RUSF1: variants seen among roughly 807,000 people sequenced by gnomAD.
RUSF1 encodes the protein RUS1 family protein C16orf58.
RUSF1 carries 58 observed loss-of-function variants against 63.0 expected under a neutral mutation model. That is an observed-to-expected ratio of 0.92 (90% CI 0.75 to 1.15). The LOEUF (loss-of-function observed/expected upper bound fraction) is 1.15, where lower values mean the gene tolerates loss of function less well. Among genes scored for constraint, RUSF1 ranks in the 50% most tolerant of loss-of-function variants. The pLI is 0.00. For missense variants in RUSF1, 652 were observed against 611.0 expected (o/e 1.07, Z -0.71); for synonymous variants, 274 against 255.8 (o/e 1.07, Z -0.68).
At position 31,490,675 on chromosome 16, in the gene RUSF1, G is replaced by A. The variant is rs532877244; in HGVS notation, c.*160C>T. On this transcript the variant is annotated 3_prime_UTR_variant, in exon 13 of 13. Transcript: ENST00000327237. Reference sequence around the variant, plus strand: ...CTTCTCCCGGCCTTCCTCTGCCTGGGGCCCACTGCATCTGATTGGCAGTCA... The same window carrying A: ...CTTCTCCCGGCCTTCCTCTGCCTGGAGCCCACTGCATCTGATTGGCAGTCA... The A allele has an allele frequency of 1.2e-5, 13 of 1,078,296 alleles. No individual in the cohort carries two copies. In the South Asian group the frequency reaches 1.5e-4, roughly 12 times the overall value. The allele number at this position is 1,078,296 out of a possible 1,614,324, so 66.8% of individuals were successfully genotyped here.
intron 6 of RUSF1, among the ~76,000 whole-genome samples, 178 bp downstream of exon 6, chr16:31,496,671 G>A (rs561473756): frequency 6.6e-6 from 1 of 152,336 alleles, no homozygotes; most frequent in East Asian, 1.9e-4. Flanking sequence ...CAGGGCCTGA[G>A]ATCAGCTCGG....
chr16:31,492,390 A>C, intron 10 of RUSF1, 50 bp from the exon 11 acceptor site: 2 of 1,497,474 alleles, frequency 1.3e-6, no homozygotes, highest in East Asian at 2.3e-5. Flanking sequence ...CACCTCCCAA[A>C]CCCCTTCTAT....
Position 31,490,361 on chromosome 16 carries a change from T to C in RUSF1, c.*474A>G, listed in dbSNP as rs755803144. The C allele has an allele frequency of 1.2e-5, 20 of 1,613,082 alleles. No individual in the cohort carries two copies. The East Asian group carries it at 1.8e-4, about 14-fold the overall frequency. On this transcript the variant is annotated 3_prime_UTR_variant, in exon 13 of 13. Transcript: ENST00000327237. ...TCCGCCAGTGCCTGCTCTGGTTTTG[T>C]GGAATGAGCAGAGGTGGGGTGGGCA...
At chr16:31,506,001 A>G (rs2082657021) in intron 2 of RUSF1, among the ~76,000 whole-genome samples, 2 of 152,208 alleles carry the variant, frequency 1.3e-5, no homozygotes, top group South Asian at 4.1e-4. Context: ...CCCTGAACAC[A>G]CAATTTCTCA....
At chr16:31,503,684 G>GAC (rs1384598188) in intron 2 of RUSF1, among the ~76,000 whole-genome samples, 1 of 152,066 alleles carries the variant, frequency 6.6e-6, no homozygotes, top group East Asian at 1.9e-4. Context: ...TATTTTTTTA[G>GAC]ATGGAGTTTC....
At chr16:31,507,971 G>A in intron 1 of RUSF1, 93 bp from the exon 2 acceptor site, 4 of 1,534,714 alleles carry the variant, frequency 2.6e-6, no homozygotes, top group Non-Finnish European at 2.6e-6. Context: ...TATGAGGCAT[G>A]TCAGACCCCC....
At chr16:31,495,371 G>C (rs535754366) in intron 6 of RUSF1, among the ~76,000 whole-genome samples, 1 of 152,340 alleles carries the variant, frequency 6.6e-6, no homozygotes, top group East Asian at 1.9e-4. Context: ...AGGGACCTGG[G>C]GAGTTCAGGA....
chr16:31,508,031 G>C, intron 1 of RUSF1, 43 bp downstream of exon 1: 1 of 1,565,096 alleles, frequency 6.4e-7, no homozygotes, highest in Non-Finnish European at 8.6e-7. Flanking sequence ...TGGGGAGGGA[G>C]GAGTGGCCTG....
At chr16:31,507,313 A>C (rs2082664763) in intron 2 of RUSF1, among the ~76,000 whole-genome samples, 1 of 152,224 alleles carries the variant, frequency 6.6e-6, no homozygotes, top group South Asian at 2.1e-4. Context: ...TATTTACAGC[A>C]TCATCTGGTA....
In RUSF1 at chr16:31,489,817, C is replaced by T; in HGVS notation, c.*1018G>A. ...CACAGAACACTGTGAGCAGGACTGC[C>T]AGGCCAGTGTCACAAGCGCTACCAT... On this transcript the variant is annotated 3_prime_UTR_variant, in exon 13 of 13. Transcript: ENST00000327237. The T allele has an allele frequency of 2.1e-6, 1 of 473,994 alleles. No homozygotes were observed. Among genetic ancestry groups the T allele is most frequent in the Non-Finnish European group, 3.9e-6 (1 of 256,850 alleles). 29.4% of individuals were successfully genotyped at this position (473,994 alleles called of 1,614,324 possible). A position where few individuals can be genotyped will look rare whatever the true frequency, so the allele number is the denominator to read the frequency against.
chr16:31,496,705 C>A, intron 6 of RUSF1, 144 bp downstream of exon 6: 5 of 720,240 alleles, frequency 6.9e-6, no homozygotes, highest in Non-Finnish European at 8.8e-6. Context: ...AGAGCCCAAA[C>A]CCCTACTCCT....
chr16:31,498,686 C>T (rs1393289103), intron 5 of RUSF1, among the ~76,000 whole-genome samples: 3 of 152,146 alleles, frequency 2.0e-5, no homozygotes, highest in Admixed American at 6.5e-5. Flanking sequence ...GCGTGTCCCC[C>T]AGCTCACTGT....
At chr16:31,494,307 G>A (rs967524103) in intron 6 of RUSF1, among the ~76,000 whole-genome samples, 2 of 152,070 alleles carry the variant, frequency 1.3e-5, no homozygotes, top group African/African-American at 4.8e-5. Context: ...GATTCCCTGA[G>A]CTCAGGAGTT....
rs183528751 is a variant in RUSF1, at chr16:31,498,446, C to A, written c.600+856G>T. The stretch of plus-strand genomic sequence containing the variant: ...ACAAGGAACCGTTGCACCCCAAATG[C>A]TAGTACTTATGGAGAAACACGGCCC... On this transcript the variant is annotated intron_variant, in intron 5 of 12. Transcript: ENST00000327237. 4.7e-3 allele frequency among the ~76,000 whole-genome samples: 717 copies of A among 152,310 alleles called. 6 individuals are homozygous for A. Among genetic ancestry groups the A allele is most frequent in the Non-Finnish European group, 6.4e-3 (433 of 68,006 alleles).
chr16:31,499,258 A>C, intron 5 of RUSF1, 44 bp downstream of exon 5: 1 of 1,523,164 alleles, frequency 6.6e-7, no homozygotes, highest in Non-Finnish European at 9.1e-7. Flanking sequence ...ACACACTACC[A>C]AGGCAGGTGT....
chr16:31,493,464 C>T lies in RUSF1; in HGVS notation c.1016+3G>A, dbSNP rs1291003526. On this transcript the variant is annotated splice_donor_region_variant and intron_variant, in intron 9 of 12. Transcript: ENST00000327237. ...GACGAGCGGGAGACGCTAGGCCACT[C>T]ACCTGGAGACCAAGCGGTGTAAGGG... is the stretch of plus-strand genomic sequence containing the variant. 2.5e-6 allele frequency: 4 copies of T among 1,600,850 alleles called. No individual in the cohort carries two copies. The highest frequency in any genetic ancestry group is 3.4e-6 in the Non-Finnish European group (4 of 1,173,762).
In RUSF1 at chr16:31,499,458, G is replaced by A. The variant is rs2082621520; in HGVS notation, c.494+35C>T. 5 of 1,611,440 alleles carry A rather than the reference G, an allele frequency of 3.1e-6. No individual in the cohort carries two copies. In the East Asian group the frequency reaches 1.1e-4, roughly 36 times the overall value. On this transcript the variant is annotated intron_variant, in intron 4 of 12. Coordinates refer to ENST00000327237, the MANE Select transcript of RUSF1 (RefSeq NM_022744.4). ...TCAGAGGTAGGAGACTTTCATAATG[G>A]AAGACTCCCCTCCCCCGTCCCCGCC...
intron 6 of RUSF1, among the ~76,000 whole-genome samples, chr16:31,495,270 C>T (rs2082595993): frequency 2.0e-5 from 3 of 151,982 alleles, no homozygotes; most frequent in Non-Finnish European, 4.4e-5. Flanking sequence ...AGAGAGGACC[C>T]GAGACTGGAG....
intron 9 of RUSF1, 166 bp from the exon 10 acceptor site, chr16:31,493,214 T>C: frequency 1.1e-6 from 1 of 890,306 alleles, no homozygotes. Flanking sequence ...AATCCATCCT[T>C]TCTTCCTGTA....
Sources: allele counts gnomAD v4.1 joint callset (sites outside exome capture counted in the v4.1 genomes callset), GRCh38; gene constraint gnomAD v4.1.1; transcripts MANE v1.5; gene names NCBI Gene and HGNC (gene_info 2026-07-23, HGNC 2026-07-21).